MYO5C: variants seen among roughly 807,000 people sequenced by gnomAD.
The protein encoded by MYO5C is myosin VC.
A neutral mutation model predicts 235.7 loss-of-function variants in MYO5C; 194 were observed. That is an observed-to-expected ratio of 0.82 (90% CI 0.73 to 0.93). MYO5C has a LOEUF of 0.93. MYO5C is among the 40% of genes least tolerant of loss of function. MYO5C has a pLI of 0.00. For missense variants in MYO5C, 2,038 were observed against 2,127.2 expected (o/e 0.96, Z 0.82); for synonymous variants, 707 against 754.8 (o/e 0.94, Z 1.04).
Position 52,221,746 on chromosome 15 carries a change from C to T in MYO5C, c.3628-491G>A, listed in dbSNP as rs541182877. ...TCTGTATATTTCTTTACATGTCCAT[C>T]GCCTCCACCCCCAGTTAGGTTAAAA... On this transcript the variant is annotated intron_variant, in intron 29 of 40. Coordinates refer to ENST00000261839, the MANE Select transcript of MYO5C (RefSeq NM_018728.4). 2.5e-4 allele frequency among the ~76,000 whole-genome samples: 38 copies of T among 152,254 alleles called. 1 individual carries two copies. The South Asian group carries it at 6.4e-3, about 26-fold the overall frequency.
chr15:52,280,257 T>C (rs2037137269), intron 2 of MYO5C, among the ~76,000 whole-genome samples: 1 of 152,230 alleles, frequency 6.6e-6, no homozygotes, highest in South Asian at 2.1e-4. Flanking sequence ...AGGTGTCTCC[T>C]GTCTGCAGTT....
chr15:52,253,365 C>G lies in MYO5C; in HGVS notation c.1488G>C (p.Leu496=), dbSNP rs2036513471. ...DFYDNQPVID[L]IEAKMGILEL... ...CCAGAATTCCCATTTTTGCTTCAAT[C>G]AGGTCAATAACTGGTTGATTGTCAT... Residue 496 remains leucine (L), a synonymous_variant, in exon 12 of 41, where the codon CTG becomes CTC. Coordinates refer to ENST00000261839, the MANE Select transcript of MYO5C (RefSeq NM_018728.4). 1 of 1,612,770 alleles carries G rather than the reference C, an allele frequency of 6.2e-7. No individual in the cohort carries two copies. Among genetic ancestry groups the G allele is most frequent in the South Asian group, 1.1e-5 (1 of 90,842 alleles).
At chr15:52,291,488 T>C (rs977818747) in intron 1 of MYO5C, among the ~76,000 whole-genome samples, 2 of 152,130 alleles carry the variant, frequency 1.3e-5, no homozygotes, top group African/African-American at 4.8e-5. Context: ...GCCTTTCTTA[T>C]GTCTTCAAAC....
At chr15:52,291,731 G>GTTGTTTTTTTT (rs2037391906) in intron 1 of MYO5C, among the ~76,000 whole-genome samples, 3 of 52,562 alleles carry the variant, frequency 5.7e-5, no homozygotes, top group Non-Finnish European at 9.9e-5. Context: ...CATATTTTAT[G>GTTGTTTTTTTT]TTTTTTTTTT....
intron 21 of MYO5C, 134 bp from the exon 22 acceptor site, chr15:52,237,780 G>A: frequency 1.3e-6 from 1 of 790,250 alleles, no homozygotes; most frequent in Non-Finnish European, 2.0e-6. Flanking sequence ...TCACTGCACT[G>A]ACATTTGTTA....
intron 10 of MYO5C, among the ~76,000 whole-genome samples, chr15:52,257,843 C>T (rs1566982724): frequency 6.6e-6 from 1 of 152,198 alleles, no homozygotes; most frequent in Non-Finnish European, 1.5e-5. Flanking sequence ...ATCACAGGTC[C>T]CCTGGGAGTC....
intron 1 of MYO5C, among the ~76,000 whole-genome samples, chr15:52,289,177 CT>C (rs78259621): frequency 0.054 from 8,172 of 151,520 alleles, 432 homozygotes; most frequent in African/African-American, 0.13. Flanking sequence ...CCTGGCTCCC[CT>C]GCCCCTCCCA....
intron 8 of MYO5C, among the ~76,000 whole-genome samples, chr15:52,268,062 G>A (rs948275061): frequency 1.3e-5 from 2 of 152,328 alleles, no homozygotes; most frequent in South Asian, 4.1e-4. Flanking sequence ...AAGCAGGTTT[G>A]AGGGAACAGT....
chr15:52,229,451 C>A, intron 24 of MYO5C, 138 bp from the exon 25 acceptor site: 1 of 726,378 alleles, frequency 1.4e-6, no homozygotes. Flanking sequence ...AAGAGAGACC[C>A]CGTCCCCACT....
At chr15:52,269,386 A>ATTTTTTTT (rs71130145) in intron 8 of MYO5C, among the ~76,000 whole-genome samples, 4 of 103,994 alleles carry the variant, frequency 3.8e-5, no homozygotes, top group Non-Finnish European at 7.4e-5. Flanking sequence ...CCACCTTTTA[A>ATTTTTTTT]TTTTTTTTTT....
rs912648638 is a variant in MYO5C at position 52,246,823 on chromosome 15, G to A, written c.1979+94C>T. ...ATCATTAAAAAAAAACCCAGAAACA[G>A]GGTAATCTCAAGACAATTGGAAGCA... On this transcript the variant is annotated intron_variant, in intron 16 of 40. Transcript: ENST00000261839. The A allele has an allele frequency of 5.2e-6, 5 of 962,266 alleles. No homozygotes were observed. In the African/African-American group the frequency reaches 6.6e-5, roughly 13 times the overall value. 59.6% of individuals were successfully genotyped at this position (962,266 alleles called of 1,614,324 possible).
chr15:52,288,444 C>T (rs527620433), intron 1 of MYO5C, among the ~76,000 whole-genome samples: 2 of 152,280 alleles, frequency 1.3e-5, no homozygotes, highest in East Asian at 1.9e-4. Context: ...GACTCCTCAG[C>T]CCAGTACCCC....
chr15:52,275,912 A>G (rs2037039936), intron 4 of MYO5C, among the ~76,000 whole-genome samples, 194 bp from the exon 5 acceptor site: 1 of 152,088 alleles, frequency 6.6e-6, no homozygotes, highest in Non-Finnish European at 1.5e-5. Context: ...AAAAGTTCAC[A>G]TCTTTCATCC....
At chr15:52,242,514 C>G (rs751789429) in intron 19 of MYO5C, 9 of 276,198 alleles carry the variant, frequency 3.3e-5, no homozygotes, top group Non-Finnish European at 6.3e-5. Flanking sequence ...TGCTCAATCA[C>G]GTACTATTTA....
intron 11 of MYO5C, among the ~76,000 whole-genome samples, chr15:52,256,318 A>G (rs1462646849): frequency 6.6e-6 from 1 of 152,160 alleles, no homozygotes; most frequent in South Asian, 2.1e-4. Context: ...AAGTGCAAAG[A>G]CAGAGAGGCT....
Position 52,295,752 on chromosome 15 carries a change from A to C in MYO5C, c.-116T>G. On this transcript the variant is annotated 5_prime_UTR_variant, in exon 1 of 41. It removes an upstream start codon present in the reference 5' UTR. Transcript: ENST00000261839. ...CCGCCGCGGAAATCACCGCCGGGCCATCTTGCCCAAAGTTTTCCAACGGCC... is the reference window on the plus strand; with the variant it reads ...CCGCCGCGGAAATCACCGCCGGGCCCTCTTGCCCAAAGTTTTCCAACGGCC... The C allele has an allele frequency of 1.4e-6, 1 of 692,930 alleles. No individual in the cohort carries two copies. The highest frequency in any genetic ancestry group is 2.1e-6 in the Non-Finnish European group (1 of 473,540). 42.9% of individuals were successfully genotyped at this position (692,930 alleles called of 1,614,324 possible).
At chr15:52,260,325 A>C (rs1276968142) in intron 10 of MYO5C, among the ~76,000 whole-genome samples, 1 of 152,200 alleles carries the variant, frequency 6.6e-6, no homozygotes, top group Non-Finnish European at 1.5e-5. Flanking sequence ...TTGATCAGAG[A>C]CCTGGGTTCA....
rs1018862792 is a variant in MYO5C, at chr15:52,196,267, T to G, written c.4995+42A>C. On this transcript the variant is annotated intron_variant, in intron 39 of 40. Transcript: ENST00000261839. The stretch of plus-strand genomic sequence containing the variant: ...AAAGGCAATGCCCACTGCACTGATG[T>G]GTCAGGGAAGAGCCAGGGAGACACT... 5.2e-6 allele frequency: 8 copies of G among 1,542,976 alleles called. No individual in the cohort carries two copies. The African/African-American group carries it at 9.6e-5, about 19-fold the overall frequency.
intron 22 of MYO5C, 135 bp from the exon 23 acceptor site, chr15:52,235,898 C>T (rs576066506): frequency 2.6e-5 from 15 of 586,460 alleles, no homozygotes; most frequent in East Asian, 1.1e-4. Flanking sequence ...TAGATAACAG[C>T]GAGCACCAGC....
Sources: allele counts gnomAD v4.1 joint callset (sites outside exome capture counted in the v4.1 genomes callset), GRCh38; gene constraint gnomAD v4.1.1; transcripts MANE v1.5; gene names NCBI Gene and HGNC (gene_info 2026-07-23, HGNC 2026-07-21).